Variants in DENND6A observed in about 807,000 individuals in gnomAD.
DENND6A encodes the protein DENN domain containing 6A, also known as protein DENND6A.
Under a neutral mutation model 95.5 loss-of-function variants are expected in DENND6A, and 43 were observed. That is an observed-to-expected ratio of 0.45 (90% CI 0.35 to 0.58). The LOEUF is 0.58. Among genes scored for constraint, DENND6A ranks in the 20% least tolerant of loss-of-function variants. The probability of loss-of-function intolerance (pLI) is 0.00; values close to 1 mark genes in which losing one functional copy is unlikely to be tolerated. For synonymous variants in DENND6A, 257 were observed against 260.4 expected (o/e 0.99, Z 0.13); for missense variants, 574 against 736.0 (o/e 0.78, Z 2.55).
chr3:57,650,161 G>A (rs1204066515), intron 9 of DENND6A, among the ~76,000 whole-genome samples: 1 of 151,814 alleles, frequency 6.6e-6, no homozygotes. Context: ...AGGGGGTGAG[G>A]GATAAAAAGA....
chr3:57,659,458 T>C (rs1485818656), intron 7 of DENND6A, among the ~76,000 whole-genome samples: 1 of 152,198 alleles, frequency 6.6e-6, no homozygotes, highest in Admixed American at 6.5e-5. Flanking sequence ...TACTGCTTCC[T>C]GTTTATTGTT....
In DENND6A at chr3:57,693,055, G is replaced by T. The variant is rs927509274; in HGVS notation, c.-37C>A. 5.9e-6 allele frequency: 8 copies of T among 1,356,488 alleles called. No individual in the cohort carries two copies. The highest frequency in any genetic ancestry group is 8.0e-5 in the Admixed American group (2 of 24,920). 84.0% of individuals were successfully genotyped at this position (1,356,488 alleles called of 1,614,324 possible). A position where few individuals can be genotyped will look rare whatever the true frequency, so the allele number is the denominator to read the frequency against. On this transcript the variant is annotated 5_prime_UTR_variant, in exon 1 of 20. Transcript: ENST00000311128. The stretch of plus-strand genomic sequence containing the variant: ...TGACCGTTCGCGCCGCCTCCACAGC[G>T]GACCGCGCCGCAGAGCGCGCTTGCC...
rs2077142052 is a variant in DENND6A at position 57,679,609 on chromosome 3, T to A, written c.238-7171A>T. 1.3e-5 allele frequency: 13 copies of A among 970,198 alleles called. No homozygotes were observed. The South Asian group carries it at 5.7e-4, about 43-fold the overall frequency. 60.1% of individuals were successfully genotyped at this position (970,198 alleles called of 1,614,324 possible). A position where few individuals can be genotyped will look rare whatever the true frequency, so the allele number is the denominator to read the frequency against. Reference sequence around the variant, plus strand: ...CATGTTTTGGTCCTAATTAGATGTGTCCTTGTGGGAAATCATTAGCCAGTC... The same window carrying A: ...CATGTTTTGGTCCTAATTAGATGTGACCTTGTGGGAAATCATTAGCCAGTC... On this transcript the variant is annotated intron_variant, in intron 1 of 19. Transcript: ENST00000311128.
chr3:57,638,455 C>T (rs955590509), intron 12 of DENND6A, among the ~76,000 whole-genome samples: 29 of 149,348 alleles, frequency 1.9e-4, no homozygotes, highest in African/African-American at 6.7e-4. Context: ...GTCAGGAGTT[C>T]GAGACCAGCC....
intron 10 of DENND6A, 59 bp from the exon 11 acceptor site, chr3:57,645,815 T>G: frequency 7.8e-7 from 1 of 1,285,892 alleles, no homozygotes; most frequent in Non-Finnish European, 1.1e-6. Flanking sequence ...TCCTAATCTA[T>G]AACTAGAAAA....
chr3:57,661,027 G>C (rs932346043), intron 6 of DENND6A, among the ~76,000 whole-genome samples, 188 bp from the exon 7 acceptor site: 1 of 152,062 alleles, frequency 6.6e-6, no homozygotes, highest in Non-Finnish European at 1.5e-5. Context: ...AAATACACAT[G>C]TTCTAGGATA....
intron 8 of DENND6A, 56 bp downstream of exon 8, chr3:57,659,062 A>C: frequency 6.5e-7 from 1 of 1,542,178 alleles, no homozygotes; most frequent in Non-Finnish European, 8.9e-7. Context: ...TAGTTTAAAA[A>C]TTCTGTTAAA....
At chr3:57,676,199 G>A (rs1042335984) in intron 1 of DENND6A, among the ~76,000 whole-genome samples, 5 of 151,856 alleles carry the variant, frequency 3.3e-5, no homozygotes, top group Admixed American at 6.6e-5. Context: ...CTAACATGGC[G>A]AAACCATGTC....
intron 4 of DENND6A, among the ~76,000 whole-genome samples, chr3:57,665,109 T>C (rs1226339687): frequency 6.8e-6 from 1 of 146,634 alleles, no homozygotes; most frequent in African/African-American, 2.4e-5. Flanking sequence ...ACGGCACATA[T>C]ATGGCACACA....
intron 11 of DENND6A, among the ~76,000 whole-genome samples, chr3:57,644,112 T>G (rs2071012420): frequency 7.0e-6 from 1 of 141,982 alleles, no homozygotes; most frequent in Non-Finnish European, 1.5e-5. Context: ...ATGGCGCCAT[T>G]GCACTCCCTC....
intron 9 of DENND6A, among the ~76,000 whole-genome samples, chr3:57,649,079 G>C (rs1416893374): frequency 6.6e-6 from 1 of 152,116 alleles, no homozygotes; most frequent in Non-Finnish European, 1.5e-5. Context: ...ACAACTCACA[G>C]AATAGGAGAA....
chr3:57,642,037 G>C (rs1055038433), intron 11 of DENND6A, among the ~76,000 whole-genome samples: 1 of 152,066 alleles, frequency 6.6e-6, no homozygotes, highest in Non-Finnish European at 1.5e-5. Flanking sequence ...ACAATTAGCC[G>C]AGCGCGGTGA....
At chr3:57,667,726 T>C (rs1317670701) in intron 3 of DENND6A, among the ~76,000 whole-genome samples, 2 of 152,176 alleles carry the variant, frequency 1.3e-5, no homozygotes, top group African/African-American at 4.8e-5. Context: ...AAGTTGAGAA[T>C]ATATATTTAG....
At chr3:57,631,716 C>CTTT (rs1156532234) in intron 15 of DENND6A, among the ~76,000 whole-genome samples, 229 of 91,994 alleles carry the variant, frequency 2.5e-3, no homozygotes, top group African/African-American at 3.2e-3. Context: ...TCTCTGCTCT[C>CTTT]TTTTTTTTTT....
chr3:57,664,858 T>C (rs932816971), intron 4 of DENND6A, among the ~76,000 whole-genome samples: 2 of 151,954 alleles, frequency 1.3e-5, no homozygotes, highest in Non-Finnish European at 2.9e-5. Context: ...AAAATGAATA[T>C]TATTGTAATA....
rs72874833 is a variant in DENND6A, at chr3:57,647,364, G to A, written c.819-926C>T. 6.8e-3 allele frequency among the ~76,000 whole-genome samples: 1,034 copies of A among 152,230 alleles called. 13 individuals are homozygous for A. The highest frequency in any genetic ancestry group is 0.023 in the African/African-American group (961 of 41,518). ...TCCTCTTCCCTTCCTAAACAACTCA[G>A]TCCTAAAGCAGAACATGGTAGGTAT... On this transcript the variant is annotated intron_variant, in intron 9 of 19. Coordinates refer to ENST00000311128, the MANE Select transcript of DENND6A (RefSeq NM_152678.3).
At chr3:57,644,648 C>A (rs1379019358) in intron 11 of DENND6A, among the ~76,000 whole-genome samples, 2 of 120,568 alleles carry the variant, frequency 1.7e-5, no homozygotes, top group Non-Finnish European at 3.5e-5. Context: ...GTAAATGTTA[C>A]AAGAAAGAAG....
intron 9 of DENND6A, among the ~76,000 whole-genome samples, chr3:57,656,232 T>C (rs1324865520): frequency 6.6e-6 from 1 of 152,236 alleles, no homozygotes; most frequent in Non-Finnish European, 1.5e-5. Flanking sequence ...TCTGTCCCTA[T>C]AGTTTTATCT....
In DENND6A at chr3:57,645,766, A is replaced by AG; in HGVS notation, c.942-11dup. Reference sequence around the variant, plus strand: ...TAATGGAGAAATACAGCTGTGGAGCAGGAAGAACATGTAAAATAAAGGACA... The same window carrying AG: ...TAATGGAGAAATACAGCTGTGGAGCAGGGAAGAACATGTAAAATAAAGGACA... On this transcript the variant is annotated splice_polypyrimidine_tract_variant and intron_variant, in intron 10 of 19. Transcript: ENST00000311128. 2 of 1,596,358 alleles carry AG rather than the reference A, an allele frequency of 1.3e-6. No homozygotes were observed. Among genetic ancestry groups the AG allele is most frequent in the Non-Finnish European group, 1.7e-6 (2 of 1,165,934 alleles).
Sources: allele counts gnomAD v4.1 joint callset (sites outside exome capture counted in the v4.1 genomes callset), GRCh38; gene constraint gnomAD v4.1.1; transcripts MANE v1.5; gene names NCBI Gene and HGNC (gene_info 2026-07-23, HGNC 2026-07-21).